KCNC2: variants seen among roughly 807,000 people sequenced by gnomAD.
KCNC2 encodes voltage-gated potassium channel KCNC2.
KCNC2 carries 21 observed loss-of-function variants against 44.5 expected under a neutral mutation model. The observed-to-expected ratio is 0.47, with a 90% CI of 0.33 to 0.68. The LOEUF is 0.68. KCNC2 is among the 30% of genes least tolerant of loss of function. The pLI is 0.01. For synonymous variants in KCNC2, 391 were observed against 339.1 expected (o/e 1.15, Z -1.68); for missense variants, 589 against 826.2 (o/e 0.71, Z 3.52).
intron 2 of KCNC2, among the ~76,000 whole-genome samples, chr12:75,161,718 G>T (rs1364469272): frequency 6.6e-6 from 1 of 151,612 alleles, no homozygotes; most frequent in Non-Finnish European, 1.5e-5. Flanking sequence ...AATGTGAATT[G>T]CTCCCCTTCA....
intron 2 of KCNC2, among the ~76,000 whole-genome samples, chr12:75,130,553 T>C (rs1444198387): frequency 2.6e-5 from 4 of 152,156 alleles, no homozygotes; most frequent in Non-Finnish European, 5.9e-5. Flanking sequence ...ACCTAAATCA[T>C]GCTCTGAATG....
intron 2 of KCNC2, among the ~76,000 whole-genome samples, chr12:75,188,771 A>G (rs1486309380): frequency 6.6e-6 from 1 of 151,928 alleles, no homozygotes; most frequent in Non-Finnish European, 1.5e-5. Context: ...GAGGCAGGAG[A>G]ATCACTTGAA....
chr12:75,179,258 G>A (rs965945119), intron 2 of KCNC2, among the ~76,000 whole-genome samples: 14 of 151,824 alleles, frequency 9.2e-5, no homozygotes, highest in Non-Finnish European at 1.9e-4. Context: ...AACATTCAGA[G>A]GGCGAAATTT....
intron 2 of KCNC2, chr12:75,124,953 A>C (rs567611661): frequency 6.6e-6 from 1 of 152,334 alleles, no homozygotes; most frequent in South Asian, 2.1e-4. Flanking sequence ...AAATACAAAA[A>C]AAATTAGCCG....
In KCNC2 at chr12:75,042,619, CT is replaced by C. The variant is rs1386928339; in HGVS notation, c.*485del. On this transcript the variant is annotated 3_prime_UTR_variant, in exon 5 of 5. Transcript: ENST00000549446. ...TCCTGAGCTATCCACAGTCCCCGAA[CT>C]CTGCAACATTGCTTTCAGGTGATAG... is the stretch of plus-strand genomic sequence containing the variant. 3 of 1,281,128 alleles carry C rather than the reference CT, an allele frequency of 2.3e-6. No individual in the cohort carries two copies. The African/African-American group carries it at 4.6e-5, about 20-fold the overall frequency. 79.4% of individuals were successfully genotyped at this position (1,281,128 alleles called of 1,614,324 possible).
chr12:75,104,810 G>T (rs530485515), intron 2 of KCNC2, among the ~76,000 whole-genome samples: 1 of 152,244 alleles, frequency 6.6e-6, no homozygotes, highest in South Asian at 2.1e-4. Context: ...AAATGATAGA[G>T]TCAGGATTCA....
intron 2 of KCNC2, among the ~76,000 whole-genome samples, chr12:75,062,741 G>A (rs775065995): frequency 6.6e-5 from 10 of 151,888 alleles, no homozygotes; most frequent in Non-Finnish European, 1.3e-4. Flanking sequence ...TACAGGACTT[G>A]TCCTTGATAT....
intron 2 of KCNC2, among the ~76,000 whole-genome samples, chr12:75,110,537 A>G (rs769176098): frequency 2.0e-5 from 3 of 152,128 alleles, no homozygotes; most frequent in Non-Finnish European, 4.4e-5. Flanking sequence ...AGAAGGCAAC[A>G]AATATCAACT....
chr12:75,139,188 C>T, intron 2 of KCNC2, among the ~76,000 whole-genome samples: 1 of 152,078 alleles, frequency 6.6e-6, no homozygotes, highest in East Asian at 1.9e-4. Flanking sequence ...ACTGCCTCTG[C>T]TCTCTTTCGA....
chr12:75,201,376 T>G (rs1399144964), intron 2 of KCNC2, among the ~76,000 whole-genome samples: 1 of 146,204 alleles, frequency 6.8e-6, no homozygotes, highest in Non-Finnish European at 1.5e-5. Flanking sequence ...CGTCCCTTCC[T>G]CTCTCCCCCA....
In KCNC2 at chr12:75,041,080, A is replaced by G. The variant is rs1467022170; in HGVS notation, c.*2025T>C. 6.3e-7 allele frequency: 1 copy of G among 1,591,688 alleles called. No individual in the cohort carries two copies. Among genetic ancestry groups the G allele is most frequent in the Admixed American group, 1.7e-5 (1 of 59,790 alleles). ...CATGAAGACGCGAGGATCTCTTCCAAGTGCAACCTGGTCACATCAGGGCAC... is the reference window on the plus strand; with the variant it reads ...CATGAAGACGCGAGGATCTCTTCCAGGTGCAACCTGGTCACATCAGGGCAC... On this transcript the variant is annotated 3_prime_UTR_variant, in exon 5 of 5. Coordinates refer to ENST00000549446, the MANE Select transcript of KCNC2 (RefSeq NM_139137.4).
chr12:75,074,888 A>C (rs542721169), intron 2 of KCNC2, among the ~76,000 whole-genome samples: 65 of 152,208 alleles, frequency 4.3e-4, no homozygotes, highest in Non-Finnish European at 7.6e-4. Flanking sequence ...ATGAAAACAC[A>C]GAAAGAGGCT....
At chr12:75,206,407 T>C (rs187621672) in intron 2 of KCNC2, among the ~76,000 whole-genome samples, 18 of 152,222 alleles carry the variant, frequency 1.2e-4, no homozygotes, top group Admixed American at 1.2e-3. Context: ...AATCTCTTCA[T>C]GAGATTTTGA....
intron 2 of KCNC2, among the ~76,000 whole-genome samples, chr12:75,095,989 G>T (rs898314840): frequency 2.6e-5 from 4 of 151,822 alleles, no homozygotes; most frequent in African/African-American, 9.7e-5. Flanking sequence ...ACTTACATTT[G>T]TAATTTAGAA....
At chr12:75,163,550 A>G (rs1230230740) in intron 2 of KCNC2, among the ~76,000 whole-genome samples, 2 of 151,784 alleles carry the variant, frequency 1.3e-5, no homozygotes, top group South Asian at 2.1e-4. Context: ...CATTAAGCAC[A>G]CACATATTCC....
chr12:75,127,609 G>T (rs1019549959), intron 2 of KCNC2, among the ~76,000 whole-genome samples: 2 of 152,094 alleles, frequency 1.3e-5, no homozygotes, highest in Admixed American at 1.3e-4. Context: ...ACTAGACTTG[G>T]TAGATAAGTA....
intron 2 of KCNC2, among the ~76,000 whole-genome samples, chr12:75,148,013 A>G (rs1266910168): frequency 1.3e-5 from 2 of 152,280 alleles, no homozygotes; most frequent in African/African-American, 2.4e-5. Context: ...TTGTGTAAAA[A>G]CTAAGTAAAG....
chr12:75,044,549 T>C (rs1316580075), intron 4 of KCNC2: 7 of 151,958 alleles, frequency 4.6e-5, no homozygotes, highest in Admixed American at 2.0e-4. Context: ...CCTCTTTTCA[T>C]TGGAAGAGAA....
chr12:75,119,738 G>A (rs1024176908), intron 2 of KCNC2, among the ~76,000 whole-genome samples: 1 of 152,132 alleles, frequency 6.6e-6, no homozygotes, highest in African/African-American at 2.4e-5. Flanking sequence ...GTATCTGAAA[G>A]TTTTCAGTTT....
Sources: allele counts gnomAD v4.1 joint callset (sites outside exome capture counted in the v4.1 genomes callset), GRCh38; gene constraint gnomAD v4.1.1; transcripts MANE v1.5; gene names NCBI Gene and HGNC (gene_info 2026-07-23, HGNC 2026-07-21).